The following PDGFC variants were observed in gnomAD, a reference collection of about 807,000 sequenced individuals.
The protein encoded by PDGFC is platelet-derived growth factor C.
Under a neutral mutation model 35.5 loss-of-function variants are expected in PDGFC, and 12 were observed. That is an observed-to-expected ratio of 0.34 (90% CI 0.22 to 0.55). The LOEUF is 0.55. Ranked by LOEUF, PDGFC falls within the 20% of genes least tolerant of loss-of-function variation. The pLI, the probability that PDGFC is intolerant of heterozygous loss-of-function variation, is 0.91. For synonymous variants in PDGFC, 159 were observed against 148.8 expected (o/e 1.07, Z -0.50); for missense variants, 322 against 412.4 (o/e 0.78, Z 1.90).
chr4:156,925,070 T>C (rs1731375077), intron 1 of PDGFC, among the ~76,000 whole-genome samples: 1 of 152,084 alleles, frequency 6.6e-6, no homozygotes, highest in South Asian at 2.1e-4. Flanking sequence ...AGATAAAAGA[T>C]TCCAGACTGA....
At chr4:156,945,576 A>G (rs1325549079) in intron 1 of PDGFC, among the ~76,000 whole-genome samples, 1 of 151,522 alleles carries the variant, frequency 6.6e-6, no homozygotes, top group East Asian at 2.0e-4. Context: ...TAAAGAGATC[A>G]CTCTCTCTCA....
At chr4:156,794,865 A>T (rs1054988007) in intron 3 of PDGFC, among the ~76,000 whole-genome samples, 5 of 152,094 alleles carry the variant, frequency 3.3e-5, no homozygotes, top group African/African-American at 4.8e-5. Context: ...GTTACCAATC[A>T]CCTCTCTATT....
intron 2 of PDGFC, among the ~76,000 whole-genome samples, chr4:156,823,103 G>A (rs1046102004): frequency 2.6e-5 from 4 of 151,768 alleles, no homozygotes; most frequent in Admixed American, 2.0e-4. Context: ...GAATCATCCA[G>A]TTTAAAATGT....
At chr4:156,921,894 A>AACAC (rs371985412) in intron 1 of PDGFC, among the ~76,000 whole-genome samples, 1 of 151,620 alleles carries the variant, frequency 6.6e-6, no homozygotes, top group Non-Finnish European at 1.5e-5. Context: ...TCACACTGAC[A>AACAC]ACACACACAC....
rs1245072784 is a variant in PDGFC, at chr4:156,971,429, G to A, written c.-526C>T. 2.7e-6 allele frequency: 1 copy of A among 376,944 alleles called. No individual in the cohort carries two copies. The highest frequency in any genetic ancestry group is 4.7e-6 in the Non-Finnish European group (1 of 212,660). 23.3% of individuals were successfully genotyped at this position (376,944 alleles called of 1,614,324 possible). A position where few individuals can be genotyped will look rare whatever the true frequency, so the allele number is the denominator to read the frequency against. On this transcript the variant is annotated 5_prime_UTR_variant, in exon 1 of 6. Coordinates refer to ENST00000502773, the MANE Select transcript of PDGFC (RefSeq NM_016205.3). ...CCCCGCCCCACCCCCCACCCCCGAA[G>A]GGGGAGGGGGAAGAAACAAGGCGAG...
chr4:156,802,565 C>CACACACACACAA (rs1731644004), intron 3 of PDGFC, among the ~76,000 whole-genome samples: 1 of 146,902 alleles, frequency 6.8e-6, no homozygotes, highest in African/African-American at 2.7e-5. Flanking sequence ...TACACACACA[C>CACACACACACAA]ACACACACAC....
chr4:156,820,511 C>T (rs1732221438), intron 2 of PDGFC, among the ~76,000 whole-genome samples: 1 of 152,208 alleles, frequency 6.6e-6, no homozygotes, highest in Admixed American at 6.5e-5. Flanking sequence ...ACTTAATAGA[C>T]TACAGTATTG....
chr4:156,919,380 T>C (rs764221698), intron 1 of PDGFC, among the ~76,000 whole-genome samples: 2 of 152,166 alleles, frequency 1.3e-5, no homozygotes, highest in Non-Finnish European at 2.9e-5. Context: ...GCAGTACAAA[T>C]AACTTATCTG....
intron 1 of PDGFC, among the ~76,000 whole-genome samples, chr4:156,946,555 TAGTG>T (rs1483209422): frequency 1.1e-4 from 16 of 152,084 alleles, no homozygotes; most frequent in African/African-American, 3.9e-4. Context: ...TCTGAGGTAA[TAGTG>T]AGCTCAAATT....
chr4:156,946,056 T>C (rs923861158), intron 1 of PDGFC, among the ~76,000 whole-genome samples: 1 of 152,086 alleles, frequency 6.6e-6, no homozygotes, highest in South Asian at 2.1e-4. Flanking sequence ...GTAACATTTG[T>C]TATATTTATG....
intron 1 of PDGFC, among the ~76,000 whole-genome samples, chr4:156,865,606 C>A (rs1283786881): frequency 6.6e-6 from 1 of 152,120 alleles, no homozygotes; most frequent in Non-Finnish European, 1.5e-5. Flanking sequence ...GTAAAAGACA[C>A]TACCATCACC....
chr4:156,890,088 A>G (rs1579079885), intron 1 of PDGFC, among the ~76,000 whole-genome samples: 1 of 152,154 alleles, frequency 6.6e-6, no homozygotes, highest in Non-Finnish European at 1.5e-5. Context: ...TTAGTTCATG[A>G]GGTTACAGAA....
At chr4:156,942,458 T>C (rs950985617) in intron 1 of PDGFC, among the ~76,000 whole-genome samples, 3 of 151,914 alleles carry the variant, frequency 2.0e-5, no homozygotes, top group African/African-American at 7.3e-5. Context: ...ACACTTCCCA[T>C]AAATAGATAC....
intron 1 of PDGFC, among the ~76,000 whole-genome samples, chr4:156,936,218 A>T (rs949510841): frequency 6.6e-6 from 1 of 152,228 alleles, no homozygotes; most frequent in Non-Finnish European, 1.5e-5. Flanking sequence ...AGTTTCAAAA[A>T]GTATCTTTCT....
intron 2 of PDGFC, among the ~76,000 whole-genome samples, chr4:156,845,597 C>G (rs983383885): frequency 6.6e-6 from 1 of 151,708 alleles, no homozygotes; most frequent in Non-Finnish European, 1.5e-5. Flanking sequence ...TGTCTATAGA[C>G]ATATAAATAA....
intron 2 of PDGFC, among the ~76,000 whole-genome samples, chr4:156,837,555 G>A (rs1729092549): frequency 1.3e-5 from 2 of 152,118 alleles, no homozygotes; most frequent in Non-Finnish European, 1.5e-5. Context: ...ATAAAAGACT[G>A]CATCATTATT....
In PDGFC at chr4:156,877,582, T is replaced by C. The variant is rs946780264; in HGVS notation, c.119-27166A>G. 2.6e-5 allele frequency among the ~76,000 whole-genome samples: 4 copies of C among 152,196 alleles called. No individual in the cohort carries two copies. The East Asian group carries it at 5.8e-4, about 22-fold the overall frequency. On this transcript the variant is annotated intron_variant, in intron 1 of 5. Transcript: ENST00000502773. ...AAGTACCAGTAGAGAAAATATTATATGCAAAGGATTATTCGAGGCACTGTG... is the reference window on the plus strand; with the variant it reads ...AAGTACCAGTAGAGAAAATATTATACGCAAAGGATTATTCGAGGCACTGTG...
chr4:156,946,418 A>G (rs1368828766), intron 1 of PDGFC, among the ~76,000 whole-genome samples: 3 of 152,110 alleles, frequency 2.0e-5, no homozygotes, highest in African/African-American at 7.2e-5. Flanking sequence ...TCATTTATCA[A>G]TAAAAATTAT....
At chr4:156,960,730 T>A (rs1732323770) in intron 1 of PDGFC, among the ~76,000 whole-genome samples, 1 of 151,978 alleles carries the variant, frequency 6.6e-6, no homozygotes, top group African/African-American at 2.4e-5. Flanking sequence ...TATCCAACTT[T>A]TTCCCTTGTT....
Sources: gnomAD v4.1 joint callset for allele counts (sites outside exome capture counted in the v4.1 genomes callset) on GRCh38, gnomAD v4.1.1 for gene constraint, MANE v1.5 for transcripts, NCBI Gene and HGNC (gene_info 2026-07-23, HGNC 2026-07-21) for gene names.